ZNF527: variants seen among roughly 807,000 people sequenced by gnomAD.
ZNF527 encodes zinc finger protein 527.
A neutral mutation model predicts 13.5 loss-of-function variants in ZNF527; 5 were observed. The ratio of observed to expected loss-of-function variants is 0.37; its 90% CI spans 0.19 to 0.78. ZNF527 has a LOEUF of 0.78. ZNF527 is among the 30% of genes least tolerant of loss of function. ZNF527 has a pLI of 0.48. For synonymous variants in ZNF527, 209 were observed against 243.1 expected, an observed-to-expected ratio of 0.86 and a Z score of 1.30; for missense variants, 628 against 726.4, an observed-to-expected ratio of 0.86 and a Z score of 1.56.
rs1250456528 is a variant in ZNF527, at chr19:37,388,744, A to G, written c.695A>G (p.Tyr232Cys). The change falls in exon 5 of 5, where the codon TAC becomes TGC. Residue 232 changes from tyrosine to cysteine, a missense_variant. By Grantham distance (194) the Tyr-to-Cys change is radical. Transcript: ENST00000436120. ...TGTGAAGAATTCAACCAGAGTACGTACCTTAGTAAAGATATAGGAATTCCT... is the reference window on the plus strand; with the variant it reads ...TGTGAAGAATTCAACCAGAGTACGTGCCTTAGTAAAGATATAGGAATTCCT... ...NECEEFNQST[Y>C]LSKDIGIPPG... 2 of 1,612,848 alleles carry G rather than the reference A, an allele frequency of 1.2e-6. No individual in the cohort carries two copies.
intron 1 of ZNF527, 41 bp from the exon 2 acceptor site, chr19:37,374,117 G>T: frequency 7.2e-7 from 1 of 1,392,306 alleles, no homozygotes; most frequent in South Asian, 1.2e-5. Flanking sequence ...AAAACACAGG[G>T]CTGGCACATC....
Position 37,384,743 on chromosome 19 carries a change from G to A in ZNF527, c.257-3563G>A, listed in dbSNP as rs2040683866. 3 of 521,766 alleles carry A rather than the reference G, an allele frequency of 5.7e-6. No homozygotes were observed. In the South Asian group the frequency reaches 8.0e-5, roughly 14 times the overall value. The allele number at this position is 521,766 out of a possible 1,614,324, so 32.3% of individuals were successfully genotyped here. On this transcript the variant is annotated intron_variant, in intron 4 of 4. Transcript: ENST00000436120. ...TTCTGCTGATATGAGGAAGGGAAAT[G>A]CTGTTATGGTTTTAATTTACTAGTG...
In ZNF527 at chr19:37,389,973, G is replaced by C; in HGVS notation, c.*94G>C. The stretch of plus-strand genomic sequence containing the variant: ...TTTGGTTAGTAATTCTTTGAATGTA[G>C]TTCATATTTCAGTTCATGAGTATCC... On this transcript the variant is annotated 3_prime_UTR_variant, in exon 5 of 5. Transcript: ENST00000436120. 7.0e-7 allele frequency: 1 copy of C among 1,438,542 alleles called. No individual in the cohort carries two copies. The highest frequency in any genetic ancestry group is 9.2e-7 in the Non-Finnish European group (1 of 1,082,498). The allele number at this position is 1,438,542 out of a possible 1,614,324, so 89.1% of individuals were successfully genotyped here. A position where few individuals can be genotyped will look rare whatever the true frequency, so the allele number is the denominator to read the frequency against.
In ZNF527 at chr19:37,380,474, C is replaced by G. The variant is rs1055796880; in HGVS notation, c.256+102C>G. 70 of 926,772 alleles carry G rather than the reference C, an allele frequency of 7.6e-5. 1 individual carries two copies. Among genetic ancestry groups the G allele is most frequent in the Non-Finnish European group, 9.9e-5 (61 of 615,554 alleles). The allele number at this position is 926,772 out of a possible 1,614,324, so 57.4% of individuals were successfully genotyped here. ...CTTCAGGTGGGATGAGAACTGAAAT[C>G]TCCATAGTATGTGCTTCCCTAGAAA... On this transcript the variant is annotated intron_variant, in intron 4 of 4. Transcript: ENST00000436120.
chr19:37,390,172 G>GCA lies in ZNF527; in HGVS notation c.*293_*294insCA. The stretch of plus-strand genomic sequence containing the variant: ...GCCTCCTGAGTAGCTGGGATTACAG[G>GCA]TGCCTGCCACCATACCTGGCTAATT... On this transcript the variant is annotated 3_prime_UTR_variant, in exon 5 of 5. Transcript: ENST00000436120. 3 of 223,752 alleles carry GCA rather than the reference G, an allele frequency of 1.3e-5. No individual in the cohort carries two copies. The highest frequency in any genetic ancestry group is 9.1e-5 in the South Asian group (1 of 11,006). The allele number at this position is 223,752 out of a possible 1,614,324, so 13.9% of individuals were successfully genotyped here.
At chr19:37,375,282 C>CTTTCTTTCTT (rs1568691349) in intron 2 of ZNF527, among the ~76,000 whole-genome samples, 2 of 127,252 alleles carry the variant, frequency 1.6e-5, no homozygotes, top group Non-Finnish European at 3.2e-5. Flanking sequence ...TTCTTTCTTT[C>CTTTCTTTCTT]TTTCTTTCTT....
rs2040681491 is a variant in ZNF527 at position 37,384,475 on chromosome 19, G to A, written c.257-3831G>A. 2.0e-5 allele frequency among the ~76,000 whole-genome samples: 3 copies of A among 151,884 alleles called. No homozygotes were observed. The South Asian group carries it at 6.2e-4, about 32-fold the overall frequency. ...ATAGTGCCACTGGACTCCAGCCTAG[G>A]CTAGGTGACAGAGCAAGACCCTGTC... On this transcript the variant is annotated intron_variant, in intron 4 of 4. Transcript: ENST00000436120.
intron 4 of ZNF527, among the ~76,000 whole-genome samples, chr19:37,384,197 A>C (rs758851812): frequency 2.0e-5 from 3 of 152,106 alleles, no homozygotes; most frequent in Non-Finnish European, 4.4e-5. Context: ...GTGTTCCTGT[A>C]ATCCCAGCTA....
intron 4 of ZNF527, 78 bp downstream of exon 4, chr19:37,380,450 T>C (rs1385539603): frequency 1.6e-6 from 2 of 1,234,916 alleles, no homozygotes; most frequent in Non-Finnish European, 2.3e-6. Flanking sequence ...TGTTTTGAGC[T>C]TCAGGTGGGA....
intron 2 of ZNF527, among the ~76,000 whole-genome samples, chr19:37,375,619 A>G (rs780957361): frequency 2.6e-4 from 39 of 151,970 alleles, no homozygotes; most frequent in Non-Finnish European, 3.1e-4. Context: ...TCGGCCTCCC[A>G]AAGTGCTGGG....
chr19:37,388,171 A>G lies in ZNF527; in HGVS notation c.257-135A>G, dbSNP rs117968782. The G allele has an allele frequency of 1.0e-2, 9,040 of 908,392 alleles. 60 individuals are homozygous for G. Among genetic ancestry groups the G allele is most frequent in the Non-Finnish European group, 0.012 (7,592 of 608,824 alleles). 56.3% of individuals were successfully genotyped at this position (908,392 alleles called of 1,614,324 possible). A position where few individuals can be genotyped will look rare whatever the true frequency, so the allele number is the denominator to read the frequency against. On this transcript the variant is annotated intron_variant, in intron 4 of 4. Coordinates refer to ENST00000436120, the MANE Select transcript of ZNF527 (RefSeq NM_032453.2). ...TGTCTTTTGTTCATATTGCATGGCCATATTTGGGAGCTATTAGAACCACAG... is the reference window on the plus strand; with the variant it reads ...TGTCTTTTGTTCATATTGCATGGCCGTATTTGGGAGCTATTAGAACCACAG...
At chr19:37,375,367 C>CT (rs747311868) in intron 2 of ZNF527, among the ~76,000 whole-genome samples, 2,098 of 81,394 alleles carry the variant, frequency 0.026, 67 homozygotes, top group Non-Finnish European at 0.044. Flanking sequence ...CTTTTCTTTT[C>CT]TTTTTTTTTT....
In ZNF527 at chr19:37,388,725, G is replaced by T. The variant is rs2040721789; in HGVS notation, c.676G>T (p.Glu226Ter). The change falls in exon 5 of 5, where the codon GAA becomes TAA. Residue 226 changes from glutamate (E) to a stop codon, truncating the protein, a stop_gained. Transcript: ENST00000436120. LOFTEE classifies it low-confidence loss of function (END_TRUNC). ...KESLIGNECE[E>*]FNQSTYLSKD... is the part of the protein sequence containing the mutation. ...ATCTTTGATAGGTAATGAATGTGAA[G>T]AATTCAACCAGAGTACGTACCTTAG... 6.2e-7 allele frequency: 1 copy of T among 1,612,188 alleles called. No individual in the cohort carries two copies. The highest frequency in any genetic ancestry group is 1.1e-5 in the South Asian group (1 of 90,620).
chr19:37,388,451 T>C lies in ZNF527; in HGVS notation c.402T>C (p.Gly134=), dbSNP rs574937739. 290 of 1,613,992 alleles carry C rather than the reference T, an allele frequency of 1.8e-4. 4 individuals carry two copies. The South Asian group carries it at 2.3e-3, about 13-fold the overall frequency. ...SSFREAWKYK[G]EFELHQGNAE... The stretch of plus-strand genomic sequence containing the variant: ...TCAGAGAAGCCTGGAAATATAAGGG[T>C]GAATTTGAGCTACATCAGGGAAATG... Residue 134 remains glycine (G), a synonymous_variant, in exon 5 of 5, where the codon GGT becomes GGC. Transcript: ENST00000436120.
rs2040760257 is a variant in ZNF527 at position 37,392,173 on chromosome 19, CATATT to C, written c.*2296_*2300del. On this transcript the variant is annotated 3_prime_UTR_variant, in exon 5 of 5. Coordinates refer to ENST00000436120, the MANE Select transcript of ZNF527 (RefSeq NM_032453.2). ...AACTTATGTTACATCTAATCTGAAA[CATATT>C]AATATTATAAGCTTAATTCATGTCA... 6.6e-6 allele frequency: 1 copy of C among 151,928 alleles called. No homozygotes were observed. Among genetic ancestry groups the C allele is most frequent in the African/African-American group, 2.4e-5 (1 of 41,354 alleles). The allele number at this position is 151,928 out of a possible 1,614,324, so 9.4% of individuals were successfully genotyped here.
chr19:37,387,177 C>T (rs977957093), intron 4 of ZNF527, among the ~76,000 whole-genome samples: 3 of 152,126 alleles, frequency 2.0e-5, no homozygotes, highest in Admixed American at 6.5e-5. Context: ...TCTATTTAAC[C>T]CCCAAATGCC....
chr19:37,373,923 C>T (rs1226902607), intron 1 of ZNF527, among the ~76,000 whole-genome samples: 3 of 152,222 alleles, frequency 2.0e-5, no homozygotes, highest in Middle Eastern at 3.4e-3. Context: ...CCTTGTTGGC[C>T]GTAGGACAGA....
rs2040764876 is a variant in ZNF527 at position 37,392,737 on chromosome 19, A to G, written c.*2858A>G. ...TATGGCACCTGATTTCATCCTCGAG[A>G]GTGACGTAAACCTAAGCTACTGGTT... On this transcript the variant is annotated 3_prime_UTR_variant, in exon 5 of 5. Transcript: ENST00000436120. The G allele has an allele frequency of 6.6e-6, 1 of 152,130 alleles. No homozygotes were observed. Among genetic ancestry groups the G allele is most frequent in the South Asian group, 2.1e-4 (1 of 4,828 alleles). 9.4% of individuals were successfully genotyped at this position (152,130 alleles called of 1,614,324 possible). A position where few individuals can be genotyped will look rare whatever the true frequency, so the allele number is the denominator to read the frequency against.
In ZNF527 at chr19:37,391,787, A is replaced by C. The variant is rs774755072; in HGVS notation, c.*1908A>C. ...TTATTGGGAGTAATGAGGAAGATGA[A>C]GGTGTAGGGCAATACGTTTCTTTTT... On this transcript the variant is annotated 3_prime_UTR_variant, in exon 5 of 5. Coordinates refer to ENST00000436120, the MANE Select transcript of ZNF527 (RefSeq NM_032453.2). 3.3e-5 allele frequency: 5 copies of C among 152,104 alleles called. No homozygotes were observed. Among genetic ancestry groups the C allele is most frequent in the Non-Finnish European group, 4.4e-5 (3 of 68,014 alleles). The allele number at this position is 152,104 out of a possible 1,614,324, so 9.4% of individuals were successfully genotyped here.
Sources: gnomAD v4.1 joint callset for allele counts (sites outside exome capture counted in the v4.1 genomes callset) on GRCh38, gnomAD v4.1.1 for gene constraint, MANE v1.5 for transcripts, NCBI Gene and HGNC (gene_info 2026-07-23, HGNC 2026-07-21) for gene names.